AMZ2: variants seen among roughly 807,000 people sequenced by gnomAD.
AMZ2 encodes the protein archaelysin family metallopeptidase 2, also known as archaemetzincin-2.
Under a neutral mutation model 36.7 loss-of-function variants are expected in AMZ2, and 26 were observed. The ratio of observed to expected loss-of-function variants is 0.71; its 90% confidence interval spans 0.52 to 0.98. The LOEUF (loss-of-function observed/expected upper bound fraction) is 0.98, where lower values mean the gene tolerates loss of function less well. Among genes scored for constraint, AMZ2 ranks in the 50% least tolerant of loss-of-function variants. The pLI is 0.00. For missense variants in AMZ2, 394 were observed against 430.5 expected, an observed-to-expected ratio of 0.92 and a Z score of 0.75; for synonymous variants, 144 against 149.1, an observed-to-expected ratio of 0.97 and a Z score of 0.25.
intron 1 of AMZ2, among the ~76,000 whole-genome samples, chr17:68,210,643 T>C (rs1170798599): frequency 2.0e-5 from 3 of 152,170 alleles, no homozygotes; most frequent in Non-Finnish European, 4.4e-5. Flanking sequence ...TACTGAATTG[T>C]ACACTTAAAA....
intron 1 of AMZ2, among the ~76,000 whole-genome samples, chr17:68,209,574 A>T (rs1404433182): frequency 6.9e-6 from 1 of 144,594 alleles, no homozygotes; most frequent in Non-Finnish European, 1.5e-5. Context: ...AGAAGAAAAT[A>T]ATTGTGGGTG....
At chr17:68,208,321 G>T (rs2072907189) in intron 1 of AMZ2, among the ~76,000 whole-genome samples, 1 of 152,198 alleles carries the variant, frequency 6.6e-6, no homozygotes, top group Non-Finnish European at 1.5e-5. Flanking sequence ...CTATCTAAGG[G>T]ATTGTAAATA....
At chr17:68,253,732 A>G (rs1441995812) in intron 4 of AMZ2, among the ~76,000 whole-genome samples, 1 of 151,054 alleles carries the variant, frequency 6.6e-6, no homozygotes, top group Non-Finnish European at 1.5e-5. Context: ...TTAAATAGTG[A>G]AATCATGACT....
At chr17:68,220,785 T>C (rs1401084865) in intron 1 of AMZ2, among the ~76,000 whole-genome samples, 15 of 146,276 alleles carry the variant, frequency 1.0e-4, no homozygotes, top group Non-Finnish European at 1.7e-4. Context: ...TCTTTCTCTT[T>C]TTTTTTTTTT....
intron 1 of AMZ2, among the ~76,000 whole-genome samples, chr17:68,232,684 AAC>A (rs782084869): frequency 4.0e-4 from 61 of 152,180 alleles, no homozygotes; most frequent in Non-Finnish European, 7.9e-4. Flanking sequence ...CTCTACTAAA[AAC>A]ACAAAAATCA....
At chr17:68,224,658 G>C (rs2073465164) in intron 1 of AMZ2, among the ~76,000 whole-genome samples, 1 of 151,356 alleles carries the variant, frequency 6.6e-6, no homozygotes, top group East Asian at 1.9e-4. Context: ...TCCAGTCTCA[G>C]CCTCCCCAGG....
At position 68,250,218 on chromosome 17, in the gene AMZ2, C is replaced by G. The variant is rs1555738385; in HGVS notation, c.31C>G (p.Leu11Val). The change falls in exon 2 of 7, where the codon CTA becomes GTA. Residue 11 changes from leucine to valine, a missense_variant. Physicochemically the swap from Leu to Val is conservative, Grantham distance 32. Coordinates refer to ENST00000359904, the MANE Select transcript of AMZ2 (RefSeq NM_016627.5). ...AATAATACGGCACTCCGAACAGACA[C>G]TAAAAACAGCTCTCATCTCAAAGAA... MQIIRHSEQT[L>V]KTALISKNPV... is the part of the protein sequence containing the mutation. 6.2e-7 allele frequency: 1 copy of G among 1,614,086 alleles called. No homozygotes were observed. Among genetic ancestry groups the G allele is most frequent in the Admixed American group, 1.7e-5 (1 of 60,008 alleles).
intron 1 of AMZ2, among the ~76,000 whole-genome samples, chr17:68,222,436 AG>A (rs531146937): frequency 3.9e-5 from 6 of 152,244 alleles, no homozygotes; most frequent in Non-Finnish European, 7.3e-5. Flanking sequence ...GTTTTGTGGA[AG>A]ACAATTTTTC....
chr17:68,207,158 A>G (rs2072859922), intron 1 of AMZ2: 2 of 152,338 alleles, frequency 1.3e-5, no homozygotes, highest in South Asian at 2.1e-4. Flanking sequence ...CAGCATCATT[A>G]TCAGATTTAT....
At chr17:68,226,064 C>A (rs114023157) in intron 1 of AMZ2, among the ~76,000 whole-genome samples, 2 of 152,126 alleles carry the variant, frequency 1.3e-5, no homozygotes, top group Non-Finnish European at 2.9e-5. Context: ...GAAGCTGGCT[C>A]GCCCGGGAGC....
chr17:68,252,133 A>G (rs1263889001), intron 4 of AMZ2, among the ~76,000 whole-genome samples: 3 of 152,116 alleles, frequency 2.0e-5, no homozygotes, highest in African/African-American at 7.2e-5. Flanking sequence ...AAGGCCCCCT[A>G]AGGGGAGTGG....
chr17:68,216,546 C>A (rs1251468665), intron 1 of AMZ2, among the ~76,000 whole-genome samples: 1 of 152,162 alleles, frequency 6.6e-6, no homozygotes, highest in Non-Finnish European at 1.5e-5. Flanking sequence ...GAGGTAGAAC[C>A]TGGAATTTTT....
At chr17:68,236,566 CTTTTTTTTTTTTT>C (rs782220711) in intron 1 of AMZ2, among the ~76,000 whole-genome samples, 7 of 102,974 alleles carry the variant, frequency 6.8e-5, no homozygotes, top group Non-Finnish European at 9.3e-5. Context: ...GGCAAACATC[CTTTTTTTTTTTTT>C]TTTTTTTTTT....
intron 1 of AMZ2, among the ~76,000 whole-genome samples, chr17:68,232,712 G>T (rs545818881): frequency 6.6e-6 from 1 of 152,192 alleles, no homozygotes; most frequent in South Asian, 2.1e-4. Flanking sequence ...GTGTGGTGCT[G>T]CATGCCTGTA....
intron 1 of AMZ2, chr17:68,207,313 A>ACCCCCCAC (rs2072866509): frequency 9.0e-6 from 1 of 110,654 alleles, no homozygotes; most frequent in African/African-American, 3.4e-5. Context: ...TTTGTTAAAT[A>ACCCCCCAC]CCCCCCCCCC....
exon 7 of AMZ2, chr17:68,257,153 C>CT (rs2074967476): frequency 3.6e-6 from 2 of 555,612 alleles, no homozygotes; most frequent in Non-Finnish European, 6.0e-6. Flanking sequence ...TCTAGAAACT[C>CT]TTTATCTTCT....
At chr17:68,232,030 A>G (rs2073675735) in intron 1 of AMZ2, among the ~76,000 whole-genome samples, 1 of 151,752 alleles carries the variant, frequency 6.6e-6, no homozygotes. Context: ...GGATTAGAAG[A>G]AATATAAAGT....
chr17:68,221,272 T>G (rs2073359206), intron 1 of AMZ2, among the ~76,000 whole-genome samples: 2 of 136,846 alleles, frequency 1.5e-5, no homozygotes, highest in African/African-American at 2.7e-5. Flanking sequence ...AACTATTTAT[T>G]TATTTATTTA....
intron 1 of AMZ2, among the ~76,000 whole-genome samples, chr17:68,221,263 ACTAT>A (rs1192998144): frequency 1.3e-5 from 1 of 78,102 alleles, no homozygotes; most frequent in East Asian, 4.7e-4. Context: ...ACCGTGCCCA[ACTAT>A]TTATTTATTT....
Sources: allele counts gnomAD v4.1 joint callset (sites outside exome capture counted in the v4.1 genomes callset), GRCh38; gene constraint gnomAD v4.1.1; transcripts MANE v1.5; gene names NCBI Gene and HGNC (gene_info 2026-07-23, HGNC 2026-07-21).